PCDH7: variants seen among roughly 807,000 people sequenced by gnomAD.
PCDH7 encodes protocadherin-7.
In PCDH7, 17 loss-of-function variants were observed where a neutral mutation model predicts 58.9. The observed-to-expected ratio is 0.29, with a 90% CI of 0.20 to 0.43. The LOEUF is 0.43. Among genes scored for constraint, PCDH7 ranks in the 20% least tolerant of loss-of-function variants. The probability of loss-of-function intolerance (pLI) is 1.00; values close to 1 mark genes in which losing one functional copy is unlikely to be tolerated. For synonymous variants in PCDH7, 664 were observed against 616.4 expected, an observed-to-expected ratio of 1.08 and a Z score of -1.14; for missense variants, 1,274 against 1,441.0, an observed-to-expected ratio of 0.88 and a Z score of 1.88.
intron 3 of PCDH7, among the ~76,000 whole-genome samples, chr4:30,988,197 A>G (rs1751151297): frequency 6.6e-6 from 1 of 152,214 alleles, no homozygotes; most frequent in South Asian, 2.1e-4. Flanking sequence ...AAACTGCACG[A>G]TAGTACCATG....
chr4:30,987,049 C>T (rs1751036285), intron 3 of PCDH7, among the ~76,000 whole-genome samples: 1 of 152,126 alleles, frequency 6.6e-6, no homozygotes. Context: ...TGACATTTTA[C>T]ACCTACAGGG....
chr4:31,089,616 G>C (rs1712962768), intron 3 of PCDH7, among the ~76,000 whole-genome samples: 1 of 151,976 alleles, frequency 6.6e-6, no homozygotes, highest in Non-Finnish European at 1.5e-5. Context: ...TCCCAGTGTA[G>C]AAATATTAAG....
intron 3 of PCDH7, among the ~76,000 whole-genome samples, chr4:30,985,222 G>T (rs528345282): frequency 9.2e-5 from 14 of 152,282 alleles, no homozygotes; most frequent in African/African-American, 2.6e-4. Flanking sequence ...CTCCCAAAGT[G>T]CTGGGATTAC....
intron 1 of PCDH7, among the ~76,000 whole-genome samples, chr4:30,816,969 G>A (rs919993788): frequency 2.0e-5 from 3 of 152,114 alleles, no homozygotes; most frequent in Non-Finnish European, 2.9e-5. Flanking sequence ...GCATCACTTT[G>A]CCAGAAATTC....
chr4:30,805,780 A>G (rs573014815), intron 1 of PCDH7, among the ~76,000 whole-genome samples: 6 of 152,104 alleles, frequency 3.9e-5, no homozygotes, highest in Non-Finnish European at 8.8e-5. Context: ...ACCACTGTTC[A>G]TCATCTCCTT....
intron 3 of PCDH7, among the ~76,000 whole-genome samples, chr4:31,017,875 T>G (rs924494644): frequency 1.3e-5 from 2 of 152,176 alleles, no homozygotes; most frequent in African/African-American, 4.8e-5. Flanking sequence ...GTGGCATTAC[T>G]AATACAGGAC....
chr4:31,033,581 G>A (rs933097522), intron 3 of PCDH7, among the ~76,000 whole-genome samples: 2 of 152,024 alleles, frequency 1.3e-5, no homozygotes, highest in African/African-American at 2.4e-5. Context: ...CTCACTTCAC[G>A]ATATAAAAAC....
At chr4:30,907,723 C>G (rs141911396) in intron 1 of PCDH7, among the ~76,000 whole-genome samples, 1,632 of 152,166 alleles carry the variant, frequency 0.011, 25 homozygotes, top group African/African-American at 0.038. Context: ...CTAGAATTAC[C>G]ATTTGACACA....
chr4:31,010,921 C>T (rs1303829962), intron 3 of PCDH7, among the ~76,000 whole-genome samples: 1 of 151,890 alleles, frequency 6.6e-6, no homozygotes, highest in Non-Finnish European at 1.5e-5. Flanking sequence ...GTAAACAACA[C>T]ATTATAGGTA....
intron 1 of PCDH7, among the ~76,000 whole-genome samples, chr4:30,861,816 G>T (rs1346138948): frequency 1.3e-5 from 2 of 152,150 alleles, no homozygotes; most frequent in East Asian, 1.9e-4. Flanking sequence ...TCATATTTTG[G>T]TCAGACAGAG....
chr4:30,979,150 C>A (rs1218562713), intron 3 of PCDH7, among the ~76,000 whole-genome samples: 1 of 151,554 alleles, frequency 6.6e-6, no homozygotes, highest in Admixed American at 6.6e-5. Flanking sequence ...CACAGTGAAA[C>A]CCTGTCTCTA....
At chr4:31,102,610 C>T (rs1170529449) in intron 3 of PCDH7, among the ~76,000 whole-genome samples, 1 of 149,812 alleles carries the variant, frequency 6.7e-6, no homozygotes, top group Non-Finnish European at 1.5e-5. Flanking sequence ...GAGGTGAAGG[C>T]TGAAGTGAGC....
intron 1 of PCDH7, among the ~76,000 whole-genome samples, chr4:30,856,364 A>G (rs1223135686): frequency 5.9e-5 from 9 of 152,054 alleles, no homozygotes; most frequent in Admixed American, 5.9e-4. Flanking sequence ...TATTGCTGGA[A>G]CTAACTTTTC....
At position 30,722,215 on chromosome 4, in the gene PCDH7, G is replaced by A. The variant is rs1713737658; in HGVS notation, c.793G>A (p.Ala265Thr). 1 of 1,589,508 alleles carries A rather than the reference G, an allele frequency of 6.3e-7. No homozygotes were observed. The highest frequency in any genetic ancestry group is 1.8e-5 in the Admixed American group (1 of 56,838). ...GCAGCCGCAGCTGATCGTGAAGGGG[G>A]CGCTGGACCGCGAGCAGCGCGACTC... The change falls in exon 1 of 2, where the codon GCG (alanine) becomes ACG (threonine). Residue 265 changes from alanine to threonine, a missense_variant. Coordinates refer to ENST00000361762, the Ensembl canonical transcript of PCDH7. The surrounding 1 kb of genome is among the most constrained non-coding windows in gnomAD (Gnocchi z 7.6).
chr4:30,865,308 T>C (rs1005657026), intron 1 of PCDH7, among the ~76,000 whole-genome samples: 1 of 152,048 alleles, frequency 6.6e-6, no homozygotes, highest in African/African-American at 2.4e-5. Context: ...AGGAATTACA[T>C]TGTAGTGTTC....
intron 1 of PCDH7, among the ~76,000 whole-genome samples, chr4:30,820,101 T>C (rs1332353108): frequency 1.3e-5 from 2 of 152,048 alleles, no homozygotes; most frequent in Non-Finnish European, 2.9e-5. Flanking sequence ...AACTCAATGA[T>C]AGGAAAATTC....
chr4:30,919,571 C>A (rs1350149867), intron 1 of PCDH7, among the ~76,000 whole-genome samples: 2 of 152,102 alleles, frequency 1.3e-5, no homozygotes, highest in East Asian at 1.9e-4. Flanking sequence ...ATGACTCTTA[C>A]AATTTCAAGG....
intron 3 of PCDH7, among the ~76,000 whole-genome samples, chr4:30,972,307 G>A (rs947451972): frequency 2.0e-5 from 3 of 152,090 alleles, no homozygotes; most frequent in Admixed American, 2.0e-4. Flanking sequence ...CATTCAGCTG[G>A]CTTCTAACAT....
intron 3 of PCDH7, among the ~76,000 whole-genome samples, chr4:31,109,455 A>G (rs1324098177): frequency 6.6e-6 from 1 of 152,238 alleles, no homozygotes; most frequent in Non-Finnish European, 1.5e-5. Flanking sequence ...ATAAGATTGT[A>G]AGAGGATAAA....
Sources: gnomAD v4.1 joint callset for allele counts (sites outside exome capture counted in the v4.1 genomes callset) on GRCh38, gnomAD v4.1.1 for gene constraint, Gnocchi (gnomAD v3.1) non-coding constraint, MANE v1.5 for transcripts, NCBI Gene and HGNC (gene_info 2026-07-23, HGNC 2026-07-21) for gene names.